Variants in LEKR1 observed in about 807,000 individuals in gnomAD.
LEKR1 encodes the protein protein LEKR1.
LEKR1 carries 59 observed loss-of-function variants against 72.4 expected under a neutral mutation model. That is an observed-to-expected ratio of 0.82 (90% CI 0.66 to 1.01). The LOEUF (loss-of-function observed/expected upper bound fraction) is 1.01, where lower values mean the gene tolerates loss of function less well. Among genes scored for constraint, LEKR1 ranks in the 50% least tolerant of loss-of-function variants. LEKR1 has a pLI of 0.00. For synonymous variants in LEKR1, 257 were observed against 263.2 expected (o/e 0.98, Z 0.23); for missense variants, 728 against 759.2 (o/e 0.96, Z 0.48).
chr3:156,846,458 T>C (rs961871463), intron 2 of LEKR1, among the ~76,000 whole-genome samples: 1 of 152,072 alleles, frequency 6.6e-6, no homozygotes, highest in Admixed American at 6.5e-5. Context: ...GGGTTTTTTT[T>C]TTTGTAAGTG....
rs1419735260 is a variant in LEKR1, at chr3:157,045,635, G to C, written c.1964G>C (p.Arg655Thr). Residue 655 changes from arginine to threonine, a missense_variant, in exon 13 of 13, where the codon AGA becomes ACA. Transcript: ENST00000356539. Reference sequence around the variant, plus strand: ...ACCTCAGATAAGCCGAAGAGGGTTAGATCAGGCGTGCCCATTCTCCCCCAG... The same window carrying C: ...ACCTCAGATAAGCCGAAGAGGGTTACATCAGGCGTGCCCATTCTCCCCCAG... ...FPTSDKPKRV[R>T]SGVPILPQPH... 2 of 1,614,140 alleles carry C rather than the reference G, an allele frequency of 1.2e-6. No individual in the cohort carries two copies. Among genetic ancestry groups the C allele is most frequent in the African/African-American group, 2.7e-5 (2 of 75,046 alleles).
chr3:157,022,381 A>C (rs561313264), intron 10 of LEKR1, among the ~76,000 whole-genome samples: 1 of 152,288 alleles, frequency 6.6e-6, no homozygotes, highest in South Asian at 2.1e-4. Context: ...CAGGAGTGAA[A>C]GTAAGGAGGC....
chr3:156,890,859 C>T (rs1225179437), intron 3 of LEKR1, among the ~76,000 whole-genome samples: 1 of 149,306 alleles, frequency 6.7e-6, no homozygotes, highest in African/African-American at 2.5e-5. Context: ...TAAAAGTTAT[C>T]CTTTTTTTTT....
chr3:156,977,247 G>A (rs1031845409), intron 6 of LEKR1, among the ~76,000 whole-genome samples: 1 of 152,172 alleles, frequency 6.6e-6, no homozygotes, highest in Admixed American at 6.5e-5. Flanking sequence ...GGTATGGTCT[G>A]TCCCCTTTAT....
chr3:156,891,015 A>G (rs1018578365), intron 3 of LEKR1, among the ~76,000 whole-genome samples: 2 of 148,892 alleles, frequency 1.3e-5, no homozygotes, highest in Admixed American at 1.3e-4. Flanking sequence ...GTGCACCACC[A>G]TGGCCGGCTA....
intron 6 of LEKR1, among the ~76,000 whole-genome samples, chr3:156,944,580 C>T (rs1380388231): frequency 6.6e-6 from 1 of 151,744 alleles, no homozygotes; most frequent in Non-Finnish European, 1.5e-5. Context: ...CATCACCCTT[C>T]CCACACTCTG....
chr3:156,907,782 A>G (rs988131883), intron 3 of LEKR1, among the ~76,000 whole-genome samples: 4 of 152,186 alleles, frequency 2.6e-5, no homozygotes, highest in African/African-American at 9.6e-5. Flanking sequence ...CATTGTTATA[A>G]TACTGTTAAC....
intron 3 of LEKR1, among the ~76,000 whole-genome samples, chr3:156,861,817 A>G (rs938532485): frequency 3.9e-4 from 60 of 152,072 alleles, no homozygotes; most frequent in Admixed American, 8.5e-4. Context: ...AAACAAGCTT[A>G]TTTATAACAT....
chr3:156,979,006 T>G (rs1729945056), intron 6 of LEKR1, among the ~76,000 whole-genome samples, 188 bp from the exon 7 acceptor site: 1 of 152,028 alleles, frequency 6.6e-6, no homozygotes. Flanking sequence ...ATTAAGTCTG[T>G]GGGGTGTTAG....
chr3:157,030,342 T>C (rs769346937), intron 12 of LEKR1, among the ~76,000 whole-genome samples: 11 of 152,180 alleles, frequency 7.2e-5, no homozygotes, highest in Non-Finnish European at 1.3e-4. Context: ...GTTGACAAAC[T>C]TCCATACCCC....
At chr3:156,986,089 C>T (rs1730655686) in intron 7 of LEKR1, among the ~76,000 whole-genome samples, 1 of 152,106 alleles carries the variant, frequency 6.6e-6, no homozygotes, top group South Asian at 2.1e-4. Context: ...TCCCCTGGAG[C>T]CTTCAGAAGG....
At chr3:156,915,385 T>C (rs1382053749) in intron 3 of LEKR1, among the ~76,000 whole-genome samples, 3 of 152,082 alleles carry the variant, frequency 2.0e-5, no homozygotes, top group Admixed American at 2.0e-4. Flanking sequence ...TGTATAAGCA[T>C]TTCCTTTTCT....
chr3:156,967,844 TG>T (rs938280458), intron 6 of LEKR1, among the ~76,000 whole-genome samples: 20 of 151,902 alleles, frequency 1.3e-4, no homozygotes, highest in African/African-American at 4.8e-4. Flanking sequence ...AAAATTGAAA[TG>T]AAGGAAAAAA....
intron 8 of LEKR1, 141 bp from the exon 9 acceptor site, chr3:156,992,933 C>A (rs1401840156): frequency 3.9e-6 from 2 of 512,922 alleles, no homozygotes; most frequent in Non-Finnish European, 3.3e-6. Context: ...CATTATAGAA[C>A]CATTCTTTTT....
intron 2 of LEKR1, among the ~76,000 whole-genome samples, chr3:156,834,283 A>G (rs1025354063): frequency 1.3e-5 from 2 of 152,146 alleles, no homozygotes; most frequent in African/African-American, 4.8e-5. Context: ...TTATAGAAAA[A>G]CTAAATAATC....
At chr3:157,039,234 T>C (rs560325884) in intron 12 of LEKR1, among the ~76,000 whole-genome samples, 2 of 152,234 alleles carry the variant, frequency 1.3e-5, no homozygotes, top group Non-Finnish European at 2.9e-5. Flanking sequence ...AACATTGGCA[T>C]CATGGGTTAT....
chr3:156,947,495 C>A (rs1726789007), intron 6 of LEKR1, among the ~76,000 whole-genome samples: 1 of 151,110 alleles, frequency 6.6e-6, no homozygotes, highest in Non-Finnish European at 1.5e-5. Flanking sequence ...TAAAAAAATG[C>A]ATTTAATGCT....
chr3:157,010,188 A>AT lies in LEKR1; in HGVS notation c.1110-1216dup, dbSNP rs917992732. ...AATTTTTGTTTCACTGATATTGTCT[A>AT]TTTTTTTTTGTTTTCCATTGATTAC... is the stretch of plus-strand genomic sequence containing the variant. On this transcript the variant is annotated intron_variant, in intron 9 of 12. Coordinates refer to ENST00000356539, the MANE Select transcript of LEKR1 (RefSeq NM_001004316.3). Among the ~76,000 whole-genome samples the AT allele has an allele frequency of 3.0e-3, 457 of 150,102 alleles. 4 individuals are homozygous for AT. The highest frequency in any genetic ancestry group is 9.0e-3 in the African/African-American group (368 of 41,040).
chr3:156,858,662 G>A (rs1321648472), intron 3 of LEKR1, among the ~76,000 whole-genome samples: 6 of 144,474 alleles, frequency 4.2e-5, no homozygotes, highest in South Asian at 2.2e-4. Context: ...ATGGCAGAGC[G>A]AGACCCTGTC....
Sources: allele counts gnomAD v4.1 joint callset (sites outside exome capture counted in the v4.1 genomes callset), GRCh38; gene constraint gnomAD v4.1.1; transcripts MANE v1.5; gene names NCBI Gene and HGNC (gene_info 2026-07-23, HGNC 2026-07-21).